Variants in CALD1 observed in about 807,000 individuals in gnomAD.
CALD1 encodes the protein caldesmon.
A neutral mutation model predicts 99.9 loss-of-function variants in CALD1; 33 were observed. That is an observed-to-expected ratio of 0.33 (90% confidence interval 0.25 to 0.44). The LOEUF (loss-of-function observed/expected upper bound fraction) is 0.44, where lower values mean the gene tolerates loss of function less well. CALD1 is among the 20% of genes least tolerant of loss of function. CALD1 has a pLI of 1.00. For missense variants in CALD1, 861 were observed against 962.1 expected (o/e 0.89, Z 1.39); for synonymous variants, 310 against 325.0 (o/e 0.95, Z 0.50).
chr7:134,920,673 A>C (rs1804548521), intron 3 of CALD1: 1 of 1,289,382 alleles, frequency 7.8e-7, no homozygotes, highest in Non-Finnish European at 1.0e-6. Context: ...AGTGGAATGC[A>C]GAAATTTTAG....
chr7:134,867,596 T>A, intron 2 of CALD1, 97 bp from the exon 3 acceptor site: 1 of 494,406 alleles, frequency 2.0e-6, no homozygotes, highest in Non-Finnish European at 3.6e-6. Flanking sequence ...TAAAGAAAAA[T>A]CAGGAGAATG....
chr7:134,836,690 A>G (rs1799455063), intron 1 of CALD1, among the ~76,000 whole-genome samples: 1 of 152,210 alleles, frequency 6.6e-6, no homozygotes, highest in Non-Finnish European at 1.5e-5. Context: ...GACGTCAGCT[A>G]CTTTCCCATG....
chr7:134,942,594 G>A (rs567997196), intron 7 of CALD1, among the ~76,000 whole-genome samples: 48 of 152,320 alleles, frequency 3.2e-4, no homozygotes, highest in Non-Finnish European at 5.3e-4. Flanking sequence ...TACAAAGCGA[G>A]TTGATTCAGG....
intron 3 of CALD1, among the ~76,000 whole-genome samples, chr7:134,902,238 T>C (rs148477879): frequency 6.6e-6 from 1 of 152,186 alleles, no homozygotes; most frequent in Non-Finnish European, 1.5e-5. Flanking sequence ...TTAACCCCAC[T>C]GAGTGAAAGG....
chr7:134,928,955 G>A, intron 4 of CALD1, 55 bp downstream of exon 4: 2 of 1,470,872 alleles, frequency 1.4e-6, no homozygotes, highest in Non-Finnish European at 1.9e-6. Context: ...CCTGTCCGTT[G>A]AATGGAATTT....
rs764319940 is a variant in CALD1 at position 134,950,402 on chromosome 7, T to C, written c.1823T>C (p.Ile608Thr). Residue 608 changes from isoleucine to threonine, a missense_variant, in exon 9 of 15, where the codon ATT becomes ACT. Around this residue, in one of 5 missense-constraint regions of CALD1, gnomAD observed 190 missense variants for 249.0 expected, o/e 0.76. Transcript: ENST00000361675. The stretch of plus-strand genomic sequence containing the variant: ...GAGAAGAGGAGGCTAAAGGAAGAGA[T>C]TGAAAGGCGAAGAGCAGAAGCTGCT... ...EEEKRRLKEE[I>T]ERRRAEAAEK... The C allele has an allele frequency of 1.9e-6, 3 of 1,614,128 alleles. No individual in the cohort carries two copies. Among genetic ancestry groups the C allele is most frequent in the Admixed American group, 1.7e-5 (1 of 60,018 alleles).
chr7:134,943,420 T>G (rs1197829379), intron 7 of CALD1, among the ~76,000 whole-genome samples: 1 of 152,202 alleles, frequency 6.6e-6, no homozygotes, highest in African/African-American at 2.4e-5. Flanking sequence ...GCTCCTGTTT[T>G]GAGCATAGCT....
intron 9 of CALD1, 63 bp from the exon 10 acceptor site, chr7:134,958,006 C>T: frequency 1.6e-6 from 2 of 1,250,948 alleles, no homozygotes; most frequent in African/African-American, 1.5e-5. Context: ...TTGGCCTGGG[C>T]TGAGAAACAC....
In CALD1 at chr7:134,784,798, G is replaced by A. The variant is rs145503171; in HGVS notation, c.-130+5049G>A. ...CAAGGTGGGTGAGAGGATCCCAGCC[G>A]CGGTCCATGGATATTTACTCCATCC... On this transcript the variant is annotated intron_variant, in intron 1 of 14. Coordinates refer to ENST00000361675, the MANE Select transcript of CALD1 (RefSeq NM_033138.4). 4.9e-3 allele frequency among the ~76,000 whole-genome samples: 739 copies of A among 152,214 alleles called. 3 individuals carry two copies. Among genetic ancestry groups the A allele is most frequent in the African/African-American group, 0.016 (679 of 41,530 alleles).
the CALD1 span, among the ~76,000 whole-genome samples, chr7:134,730,483 CA>C: frequency 6.6e-6 from 1 of 152,114 alleles, no homozygotes; most frequent in African/African-American, 2.4e-5. Flanking sequence ...ACGGGTTTTA[CA>C]AGCAGTAATG....
At chr7:134,968,279 C>A (rs988896074) in intron 14 of CALD1, 61 bp from the exon 15 acceptor site, 122 of 1,497,612 alleles carry the variant, frequency 8.1e-5, no homozygotes, top group Non-Finnish European at 1.1e-4. Flanking sequence ...CTGCCTGAAA[C>A]ACTGCAGGCT....
intron 3 of CALD1, among the ~76,000 whole-genome samples, chr7:134,883,656 T>C (rs979082612): frequency 2.6e-5 from 4 of 152,212 alleles, no homozygotes; most frequent in African/African-American, 9.6e-5. Flanking sequence ...CTATTTCTAA[T>C]CTCCTGCCTT....
chr7:134,748,687 T>A (rs967680136), intron 1 of CALD1, among the ~76,000 whole-genome samples: 2 of 151,282 alleles, frequency 1.3e-5, no homozygotes, highest in Non-Finnish European at 2.9e-5. Context: ...TTCCAGCCTG[T>A]GCAACAAGAG....
intron 1 of CALD1, among the ~76,000 whole-genome samples, chr7:134,810,356 T>C (rs1228117985): frequency 6.6e-6 from 1 of 152,248 alleles, no homozygotes; most frequent in African/African-American, 2.4e-5. Flanking sequence ...AGATTACACC[T>C]GGCAGATTAC....
intron 3 of CALD1, among the ~76,000 whole-genome samples, chr7:134,925,083 G>A (rs932673492): frequency 2.0e-4 from 30 of 152,022 alleles, no homozygotes; most frequent in Admixed American, 1.3e-4. Context: ...AGTGTGAAAC[G>A]GACTAATACA....
chr7:134,920,761 A>G (rs1804557034), intron 3 of CALD1: 2 of 975,142 alleles, frequency 2.1e-6, no homozygotes. Context: ...CTTCAATAGC[A>G]TTCATTCTGT....
chr7:134,726,872 T>G, the CALD1 span, among the ~76,000 whole-genome samples: 86 of 152,340 alleles, frequency 5.6e-4, 1 homozygote, highest in South Asian at 0.011. Flanking sequence ...AGGATAATGC[T>G]GGACGTCACA....
chr7:134,813,181 A>G (rs955596025), intron 1 of CALD1, among the ~76,000 whole-genome samples: 2 of 152,236 alleles, frequency 1.3e-5, no homozygotes, highest in African/African-American at 4.8e-5. Context: ...AAAAAGCCTG[A>G]TTGGCATGGG....
At chr7:134,780,365 AG>A (rs1343234501) in intron 1 of CALD1, among the ~76,000 whole-genome samples, 1 of 151,830 alleles carries the variant, frequency 6.6e-6, no homozygotes, top group Non-Finnish European at 1.5e-5. Flanking sequence ...TTGCTAAGAC[AG>A]AAGATGCCTA....
Sources: allele counts gnomAD v4.1 joint callset (sites outside exome capture counted in the v4.1 genomes callset), GRCh38; gene constraint gnomAD v4.1.1; regional missense constraint gnomAD v4.1.1; transcripts MANE v1.5; gene names NCBI Gene and HGNC (gene_info 2026-07-23, HGNC 2026-07-21).